ADCY8: variants seen among roughly 807,000 people sequenced by gnomAD.
The protein encoded by ADCY8 is adenylate cyclase 8.
A neutral mutation model predicts 119.7 loss-of-function variants in ADCY8; 51 were observed. The observed-to-expected ratio is 0.43, with a 90% CI of 0.34 to 0.54. ADCY8 has a LOEUF of 0.54. ADCY8 is among the 20% of genes least tolerant of loss of function. The pLI, the probability that ADCY8 is intolerant of heterozygous loss-of-function variation, is 0.03. For missense variants in ADCY8, 1,383 were observed against 1,598.8 expected (o/e 0.87, Z 2.30); for synonymous variants, 665 against 651.0 (o/e 1.02, Z -0.33).
intron 9 of ADCY8, among the ~76,000 whole-genome samples, chr8:130,866,240 A>T (rs1818116897): frequency 6.6e-6 from 1 of 152,030 alleles, no homozygotes; most frequent in Non-Finnish European, 1.5e-5. Flanking sequence ...CTGTCCCATC[A>T]TCTTCCCGGA....
chr8:130,800,648 A>T, intron 14 of ADCY8, 76 bp from the exon 15 acceptor site: 1 of 1,499,764 alleles, frequency 6.7e-7, no homozygotes, highest in East Asian at 2.3e-5. Flanking sequence ...CTGTGCACAC[A>T]TGTGGGTACA....
chr8:130,876,577 G>C (rs1337231560), intron 8 of ADCY8, among the ~76,000 whole-genome samples: 1 of 152,152 alleles, frequency 6.6e-6, no homozygotes, highest in East Asian at 1.9e-4. Context: ...TAGTTAGGGT[G>C]ATAGAGTTGC....
chr8:130,800,347 G>T, intron 15 of ADCY8, 79 bp downstream of exon 15: 13 of 1,361,890 alleles, frequency 9.5e-6, no homozygotes, highest in Non-Finnish European at 1.1e-5. Context: ...AAAAAAATAA[G>T]TAATTCCTAC....
intron 2 of ADCY8, among the ~76,000 whole-genome samples, chr8:130,987,655 G>A (rs1167188464): frequency 6.6e-6 from 1 of 152,084 alleles, no homozygotes; most frequent in African/African-American, 2.4e-5. Flanking sequence ...TGTCGCTTAG[G>A]TTCTTACAGC....
chr8:130,806,943 ACT>A (rs1451114373), intron 14 of ADCY8, among the ~76,000 whole-genome samples: 2 of 152,086 alleles, frequency 1.3e-5, no homozygotes, highest in Non-Finnish European at 2.9e-5. Context: ...CCTTCACTCA[ACT>A]CACTCCAGTC....
intron 8 of ADCY8, among the ~76,000 whole-genome samples, chr8:130,873,326 T>C (rs1818434293): frequency 6.6e-6 from 1 of 152,204 alleles, no homozygotes; most frequent in African/African-American, 2.4e-5. Context: ...CTCTGTCTTT[T>C]TTTTTTTTGA....
At chr8:130,856,335 T>C (rs549224562) in intron 9 of ADCY8, among the ~76,000 whole-genome samples, 2 of 152,090 alleles carry the variant, frequency 1.3e-5, no homozygotes, top group Admixed American at 6.5e-5. Flanking sequence ...TCCCCATCAC[T>C]ATCCAGCACA....
At chr8:131,017,165 G>A (rs1823502167) in intron 1 of ADCY8, among the ~76,000 whole-genome samples, 1 of 151,966 alleles carries the variant, frequency 6.6e-6, no homozygotes, top group South Asian at 2.1e-4. Flanking sequence ...TGCATCCCAG[G>A]TTCAAGTGAT....
chr8:130,885,663 C>T (rs1221027453), intron 7 of ADCY8, among the ~76,000 whole-genome samples: 4 of 149,082 alleles, frequency 2.7e-5, no homozygotes, highest in Non-Finnish European at 6.0e-5. Flanking sequence ...GACCAAAAAA[C>T]AAAAAAAAAA....
At chr8:130,849,885 C>T in intron 9 of ADCY8, 82 bp from the exon 10 acceptor site, 2 of 1,268,940 alleles carry the variant, frequency 1.6e-6, no homozygotes, top group Non-Finnish European at 2.2e-6. Context: ...CTTCCTTTCC[C>T]ATCCCTTGCA....
chr8:130,989,714 T>C (rs1434088363), intron 2 of ADCY8, among the ~76,000 whole-genome samples: 1 of 152,198 alleles, frequency 6.6e-6, no homozygotes, highest in African/African-American at 2.4e-5. Context: ...GGACAAATCT[T>C]TATTCTTTGA....
intron 1 of ADCY8, among the ~76,000 whole-genome samples, chr8:131,016,654 A>G (rs2130788145): frequency 6.6e-6 from 1 of 152,272 alleles, no homozygotes; most frequent in African/African-American, 2.4e-5. Context: ...AAGATGGTAC[A>G]TTTAAGGGAC....
chr8:130,821,822 A>G (rs1419317720), intron 12 of ADCY8, among the ~76,000 whole-genome samples: 1 of 152,184 alleles, frequency 6.6e-6, no homozygotes, highest in Non-Finnish European at 1.5e-5. Flanking sequence ...GCACAGTTCA[A>G]CTCATCAGGA....
At chr8:130,805,657 C>T (rs1176779079) in intron 14 of ADCY8, among the ~76,000 whole-genome samples, 1 of 152,202 alleles carries the variant, frequency 6.6e-6, no homozygotes, top group Non-Finnish European at 1.5e-5. Flanking sequence ...CCAACACAGA[C>T]TCTCAGATAA....
intron 2 of ADCY8, among the ~76,000 whole-genome samples, chr8:130,953,582 G>A (rs1463494325): frequency 2.0e-5 from 3 of 152,126 alleles, no homozygotes; most frequent in Non-Finnish European, 2.9e-5. Flanking sequence ...GATTGAGTCT[G>A]ATGAAGAAGT....
At chr8:130,952,542 G>A (rs1821305611) in intron 2 of ADCY8, among the ~76,000 whole-genome samples, 1 of 138,314 alleles carries the variant, frequency 7.2e-6, no homozygotes, top group African/African-American at 2.7e-5. Flanking sequence ...TGATAGCAAT[G>A]AGGTTGGAGG....
At chr8:131,006,492 G>A (rs376692692) in intron 1 of ADCY8, among the ~76,000 whole-genome samples, 19 of 152,272 alleles carry the variant, frequency 1.2e-4, no homozygotes, top group African/African-American at 4.6e-4. Context: ...TGGCAATGAT[G>A]AGATTTTTCC....
At position 131,027,983 on chromosome 8, in the gene ADCY8, C is replaced by A. The variant is rs577123737; in HGVS notation, c.960+11391G>T. On this transcript the variant is annotated intron_variant, in intron 1 of 17. Transcript: ENST00000286355. ...ACCCCAGACTTTGTGAAGCTCACAGCCCAGCTGGTGAGAGAGATGTGGAAG... is the reference window on the plus strand; with the variant it reads ...ACCCCAGACTTTGTGAAGCTCACAGACCAGCTGGTGAGAGAGATGTGGAAG... 8.5e-5 allele frequency among the ~76,000 whole-genome samples: 13 copies of A among 152,294 alleles called. No homozygotes were observed. In the South Asian group the frequency reaches 2.7e-3, roughly 32 times the overall value.
chr8:130,784,052 C>A (rs1815173030), intron 16 of ADCY8, among the ~76,000 whole-genome samples: 1 of 152,092 alleles, frequency 6.6e-6, no homozygotes, highest in Non-Finnish European at 1.5e-5. Context: ...CTACACCTGT[C>A]TGTTCAGGTT....
Sources: gnomAD v4.1 joint callset for allele counts (sites outside exome capture counted in the v4.1 genomes callset) on GRCh38, gnomAD v4.1.1 for gene constraint, MANE v1.5 for transcripts, NCBI Gene and HGNC (gene_info 2026-07-23, HGNC 2026-07-21) for gene names.